Variants in DPP10 observed in about 807,000 individuals in gnomAD.
The protein encoded by DPP10 is inactive dipeptidyl peptidase 10.
In DPP10, 33 loss-of-function variants were observed where a neutral mutation model predicts 120.9. The ratio of observed to expected loss-of-function variants is 0.27; its 90% CI spans 0.21 to 0.37. The LOEUF (loss-of-function observed/expected upper bound fraction) is 0.37, where lower values mean the gene tolerates loss of function less well. DPP10 is among the 10% of genes least tolerant of loss of function. DPP10 has a pLI of 1.00. For synonymous variants in DPP10, 337 were observed against 326.1 expected (o/e 1.03, Z -0.36); for missense variants, 816 against 942.8 (o/e 0.87, Z 1.76).
chr2:115,234,854 G>T (rs961713864), intron 1 of DPP10, among the ~76,000 whole-genome samples: 1 of 151,886 alleles, frequency 6.6e-6, no homozygotes, highest in Non-Finnish European at 1.5e-5. Flanking sequence ...TTTCTATCAC[G>T]GTCTTGTTTA....
At position 115,836,146 on chromosome 2, in the gene DPP10, TTC is replaced by T. The variant is rs1491341412; in HGVS notation, c.1951-10_1951-9del. On this transcript the variant is annotated splice_polypyrimidine_tract_variant and intron_variant, in intron 21 of 25. Transcript: ENST00000410059. ...TATATATATATATATATATATATTT[TTC>T]CCCCCCAGGGTTATGGTGGCTATAT... 11 of 1,444,622 alleles carry T rather than the reference TTC, an allele frequency of 7.6e-6. No individual in the cohort carries two copies. In the African/African-American group the frequency reaches 8.9e-5, roughly 12 times the overall value. 89.5% of individuals were successfully genotyped at this position (1,444,622 alleles called of 1,614,324 possible). A position where few individuals can be genotyped will look rare whatever the true frequency, so the allele number is the denominator to read the frequency against.
chr2:115,788,868 G>A (rs537605734), intron 17 of DPP10, among the ~76,000 whole-genome samples: 1 of 152,208 alleles, frequency 6.6e-6, no homozygotes, highest in East Asian at 1.9e-4. Flanking sequence ...TGTAATCCCA[G>A]CACTTTGGGA....
At chr2:115,022,174 C>A (rs1475329097) in intron 1 of DPP10, among the ~76,000 whole-genome samples, 1 of 152,002 alleles carries the variant, frequency 6.6e-6, no homozygotes, top group Admixed American at 6.6e-5. Flanking sequence ...AGCAATCAGA[C>A]AAGAGAAAGA....
At chr2:114,800,094 A>G (rs1385918784) in intron 1 of DPP10, among the ~76,000 whole-genome samples, 5 of 152,238 alleles carry the variant, frequency 3.3e-5, no homozygotes, top group Admixed American at 3.3e-4. Flanking sequence ...CACAATGCAT[A>G]AATGATGTAA....
chr2:115,396,391 C>G (rs1331626085), intron 3 of DPP10, among the ~76,000 whole-genome samples: 2 of 152,156 alleles, frequency 1.3e-5, no homozygotes, highest in Non-Finnish European at 2.9e-5. Flanking sequence ...CACAAATTAT[C>G]AATGTTTGTT....
intron 2 of DPP10, among the ~76,000 whole-genome samples, chr2:115,319,581 AGGC>A (rs1440705643): frequency 1.5e-4 from 23 of 152,302 alleles, no homozygotes; most frequent in African/African-American, 5.3e-4. Flanking sequence ...AGGTCTGTTC[AGGC>A]ATTTTATTTC....
intron 1 of DPP10, among the ~76,000 whole-genome samples, chr2:114,556,605 G>A (rs147354557): frequency 1.3e-5 from 2 of 152,214 alleles, no homozygotes; most frequent in Non-Finnish European, 2.9e-5. Flanking sequence ...GAGGAGTGGG[G>A]CTGGTATTTG....
intron 1 of DPP10, among the ~76,000 whole-genome samples, chr2:115,001,803 A>T (rs1008588815): frequency 1.3e-5 from 2 of 152,204 alleles, no homozygotes; most frequent in African/African-American, 4.8e-5. Flanking sequence ...AGAATAAATC[A>T]TCTAGGAATA....
chr2:114,581,495 A>T (rs181244736), intron 1 of DPP10, among the ~76,000 whole-genome samples: 135 of 152,124 alleles, frequency 8.9e-4, no homozygotes, highest in South Asian at 3.1e-3. Flanking sequence ...AATATAAAAC[A>T]TTATTTTCTA....
At chr2:115,336,854 T>C (rs971750337) in intron 2 of DPP10, among the ~76,000 whole-genome samples, 1 of 152,028 alleles carries the variant, frequency 6.6e-6, no homozygotes, top group African/African-American at 2.4e-5. Context: ...ACCTTCTCGT[T>C]GTTCAGTGTG....
chr2:115,241,562 T>C (rs1037858858), intron 1 of DPP10, among the ~76,000 whole-genome samples: 1 of 152,142 alleles, frequency 6.6e-6, no homozygotes, highest in African/African-American at 2.4e-5. Flanking sequence ...AGCATATTGC[T>C]CTCTCTCTCC....
At chr2:114,690,368 A>G (rs559755420) in intron 1 of DPP10, among the ~76,000 whole-genome samples, 1 of 151,578 alleles carries the variant, frequency 6.6e-6, no homozygotes, top group African/African-American at 2.4e-5. Context: ...ATTTTTATTA[A>G]TTTTGTCAAA....
intron 5 of DPP10, among the ~76,000 whole-genome samples, chr2:115,608,873 A>G (rs2083889228): frequency 6.6e-6 from 1 of 152,134 alleles, no homozygotes; most frequent in South Asian, 2.1e-4. Context: ...ATTATGTTAG[A>G]CAAAGTTGAA....
chr2:114,572,731 C>T lies in DPP10; in HGVS notation c.60+129893C>T, dbSNP rs548636212. ...TGGAGAGGCTACATGTGCCAGCCAT[C>T]GTGATAGGCTTTTAAAATGTGATAT... On this transcript the variant is annotated intron_variant, in intron 1 of 25. Coordinates refer to ENST00000410059, the MANE Select transcript of DPP10 (RefSeq NM_020868.6). Among the ~76,000 whole-genome samples, 7 of 152,256 alleles carry T rather than the reference C, an allele frequency of 4.6e-5. No homozygotes were observed. The East Asian group carries it at 9.7e-4, about 21-fold the overall frequency.
intron 1 of DPP10, among the ~76,000 whole-genome samples, chr2:114,538,491 G>A (rs1367703110): frequency 2.6e-5 from 4 of 152,098 alleles, no homozygotes; most frequent in Non-Finnish European, 5.9e-5. Context: ...AAAGCCAATA[G>A]GACTAGTTTC....
At chr2:114,567,590 T>C (rs1423477767) in intron 1 of DPP10, among the ~76,000 whole-genome samples, 1 of 152,180 alleles carries the variant, frequency 6.6e-6, no homozygotes, top group African/African-American at 2.4e-5. Context: ...GCCTGTGACA[T>C]AATAAAATTA....
intron 1 of DPP10, among the ~76,000 whole-genome samples, chr2:115,020,735 T>A (rs1263363493): frequency 6.6e-6 from 1 of 152,038 alleles, no homozygotes; most frequent in African/African-American, 2.4e-5. Flanking sequence ...ACATGGAACA[T>A]TCTACATTCT....
chr2:114,571,588 C>T (rs534345770), intron 1 of DPP10, among the ~76,000 whole-genome samples: 12 of 152,154 alleles, frequency 7.9e-5, no homozygotes, highest in East Asian at 5.8e-4. Context: ...CAGACGCCAC[C>T]GCTAAAACTT....
intron 5 of DPP10, among the ~76,000 whole-genome samples, chr2:115,673,432 T>C (rs906596733): frequency 6.6e-6 from 1 of 152,182 alleles, no homozygotes; most frequent in South Asian, 2.1e-4. Flanking sequence ...TATTATAATA[T>C]TGAATGCAAT....
Sources: allele counts gnomAD v4.1 joint callset (sites outside exome capture counted in the v4.1 genomes callset), GRCh38; gene constraint gnomAD v4.1.1; transcripts MANE v1.5; gene names NCBI Gene and HGNC (gene_info 2026-07-23, HGNC 2026-07-21).